The following NEGR1 variants were observed in gnomAD, a reference collection of about 807,000 sequenced individuals.
NEGR1 encodes the protein neuronal growth regulator 1.
NEGR1 carries 10 observed loss-of-function variants against 40.9 expected under a neutral mutation model. The observed-to-expected ratio is 0.24, with a 90% CI of 0.15 to 0.42. The LOEUF (loss-of-function observed/expected upper bound fraction) is 0.42, where lower values mean the gene tolerates loss of function less well. Among genes scored for constraint, NEGR1 ranks in the 10% least tolerant of loss-of-function variants. The pLI is 1.00. For missense variants in NEGR1, 352 were observed against 438.9 expected (o/e 0.80, Z 1.77); for synonymous variants, 185 against 166.8 (o/e 1.11, Z -0.84).
chr1:71,612,065 A>G (rs1448896720), intron 4 of NEGR1, among the ~76,000 whole-genome samples: 1 of 152,160 alleles, frequency 6.6e-6, no homozygotes, highest in African/African-American at 2.4e-5. Context: ...TACTAAAAAT[A>G]CAAAAAATTA....
intron 3 of NEGR1, chr1:71,703,099 C>G (rs1173540223): frequency 6.6e-6 from 1 of 151,658 alleles, no homozygotes; most frequent in African/African-American, 2.4e-5. Context: ...AAACAAACAA[C>G]TGGGCATTTG....
At chr1:72,087,363 G>A (rs530774178) in intron 1 of NEGR1, among the ~76,000 whole-genome samples, 6 of 151,918 alleles carry the variant, frequency 3.9e-5, no homozygotes, top group African/African-American at 7.2e-5. Flanking sequence ...CCCGGGAGGC[G>A]GAGGTTGCAG....
intron 1 of NEGR1, among the ~76,000 whole-genome samples, chr1:72,027,564 TA>T (rs899434393): frequency 1.3e-5 from 2 of 151,964 alleles, no homozygotes; most frequent in African/African-American, 2.4e-5. Context: ...AAATAATATA[TA>T]AAAAATATTA....
At chr1:72,032,125 C>T (rs1646863697) in intron 1 of NEGR1, among the ~76,000 whole-genome samples, 1 of 152,118 alleles carries the variant, frequency 6.6e-6, no homozygotes, top group Non-Finnish European at 1.5e-5. Context: ...AATAATCATT[C>T]TGCATATGGA....
intron 1 of NEGR1, among the ~76,000 whole-genome samples, chr1:72,076,279 C>T (rs1010950200): frequency 2.0e-5 from 3 of 151,916 alleles, no homozygotes; most frequent in African/African-American, 7.3e-5. Flanking sequence ...TAAAAGAGAC[C>T]CTGGAGAGTT....
chr1:71,943,808 T>C (rs1043516830), intron 1 of NEGR1, among the ~76,000 whole-genome samples: 1 of 152,168 alleles, frequency 6.6e-6, no homozygotes, highest in Non-Finnish European at 1.5e-5. Flanking sequence ...CATGGAAATA[T>C]TTTTTAAATG....
At chr1:71,999,853 A>G (rs955842222) in intron 1 of NEGR1, among the ~76,000 whole-genome samples, 1 of 150,926 alleles carries the variant, frequency 6.6e-6, no homozygotes, top group African/African-American at 2.4e-5. Context: ...TTTGTCACAG[A>G]ACATTTTGCT....
intron 4 of NEGR1, among the ~76,000 whole-genome samples, chr1:71,678,342 T>C (rs1265464169): frequency 1.3e-5 from 2 of 152,192 alleles, no homozygotes; most frequent in Non-Finnish European, 2.9e-5. Flanking sequence ...TCTTTACTAC[T>C]TTACAATGAA....
At chr1:71,962,200 C>T (rs1357492031) in intron 1 of NEGR1, among the ~76,000 whole-genome samples, 3 of 151,994 alleles carry the variant, frequency 2.0e-5, no homozygotes, top group Admixed American at 1.3e-4. Flanking sequence ...CCAATGTGCA[C>T]TTGTCAACAC....
chr1:71,558,785 C>A (rs963140969), intron 6 of NEGR1, among the ~76,000 whole-genome samples: 23 of 144,214 alleles, frequency 1.6e-4, no homozygotes, highest in African/African-American at 5.9e-4. Flanking sequence ...CTAGGCTCAT[C>A]TCGAAGTTTC....
intron 1 of NEGR1, among the ~76,000 whole-genome samples, chr1:71,997,232 G>C (rs1302581443): frequency 6.6e-6 from 1 of 151,940 alleles, no homozygotes; most frequent in East Asian, 1.9e-4. Context: ...GTCTCTATAA[G>C]TCAATTCTTA....
At chr1:72,281,253 CAGAG>C (rs1656234896) in intron 1 of NEGR1, among the ~76,000 whole-genome samples, 1 of 151,990 alleles carries the variant, frequency 6.6e-6, no homozygotes, top group Admixed American at 6.6e-5. Flanking sequence ...GAAGCAGAGA[CAGAG>C]TGAGAGCAGC....
At chr1:72,085,787 T>C (rs1235351517) in intron 1 of NEGR1, among the ~76,000 whole-genome samples, 2 of 151,624 alleles carry the variant, frequency 1.3e-5, no homozygotes, top group African/African-American at 2.4e-5. Flanking sequence ...CTGACCAACA[T>C]GGAAAAACCC....
At chr1:71,796,813 AAAT>A (rs1657345313) in intron 2 of NEGR1, among the ~76,000 whole-genome samples, 1 of 152,144 alleles carries the variant, frequency 6.6e-6, no homozygotes, top group Admixed American at 6.6e-5. Flanking sequence ...GCTTAGTACC[AAAT>A]AAGGGGACAC....
At chr1:71,454,967 G>A (rs1000602463) in intron 6 of NEGR1, among the ~76,000 whole-genome samples, 2 of 152,156 alleles carry the variant, frequency 1.3e-5, no homozygotes, top group African/African-American at 4.8e-5. Flanking sequence ...TACTCCACAG[G>A]CTTGGCCAGG....
In NEGR1 at chr1:71,885,010, TCTG is replaced by T. The variant is rs1434844411; in HGVS notation, c.409+50066_409+50068del. ...AAACCTCAGAATGGCTTTGAATCCT[TCTG>T]CTTTGACCAAAATGGACTTAAACTA... On this transcript the variant is annotated intron_variant, in intron 2 of 6. Coordinates refer to ENST00000357731, the MANE Select transcript of NEGR1 (RefSeq NM_173808.3). Among the ~76,000 whole-genome samples, 5 of 152,328 alleles carry T rather than the reference TCTG, an allele frequency of 3.3e-5. No homozygotes were observed. In the South Asian group the frequency reaches 6.2e-4, roughly 19 times the overall value.
At chr1:71,961,343 G>A (rs570757964) in intron 1 of NEGR1, among the ~76,000 whole-genome samples, 1 of 152,166 alleles carries the variant, frequency 6.6e-6, no homozygotes, top group African/African-American at 2.4e-5. Flanking sequence ...TTGCAAGCAG[G>A]GCTGCAAAGT....
chr1:72,217,163 C>T (rs1184016629), intron 1 of NEGR1, among the ~76,000 whole-genome samples: 1 of 151,596 alleles, frequency 6.6e-6, no homozygotes, highest in African/African-American at 2.4e-5. Context: ...TTTTAGGCAC[C>T]ATGGAATTGA....
chr1:71,591,183 A>G (rs995233944), intron 6 of NEGR1, among the ~76,000 whole-genome samples: 1 of 152,132 alleles, frequency 6.6e-6, no homozygotes, highest in Non-Finnish European at 1.5e-5. Flanking sequence ...AAATTAATCA[A>G]ATTGTATGTA....
Sources: gnomAD v4.1 joint callset for allele counts (sites outside exome capture counted in the v4.1 genomes callset) on GRCh38, gnomAD v4.1.1 for gene constraint, MANE v1.5 for transcripts, NCBI Gene and HGNC (gene_info 2026-07-23, HGNC 2026-07-21) for gene names.